The following DCC variants were observed in gnomAD, a reference collection of about 807,000 sequenced individuals.
The protein encoded by DCC is DCC netrin 1 receptor.
A neutral mutation model predicts 172.5 loss-of-function variants in DCC; 58 were observed. The ratio of observed to expected loss-of-function variants is 0.34; its 90% CI spans 0.27 to 0.42. The LOEUF is 0.42. DCC is among the 10% of genes least tolerant of loss of function. The pLI is 1.00. For missense variants in DCC, 1,740 were observed against 1,791.0 expected, an observed-to-expected ratio of 0.97 and a Z score of 0.51; for synonymous variants, 709 against 644.5, an observed-to-expected ratio of 1.10 and a Z score of -1.52.
chr18:53,241,995 T>G (rs1165204490), intron 12 of DCC, among the ~76,000 whole-genome samples: 1 of 152,150 alleles, frequency 6.6e-6, no homozygotes, highest in African/African-American at 2.4e-5. Context: ...GAAAACCCCA[T>G]AGTCTCAGCT....
At chr18:52,661,411 A>G (rs1362089577) in intron 1 of DCC, among the ~76,000 whole-genome samples, 2 of 152,232 alleles carry the variant, frequency 1.3e-5, no homozygotes, top group Non-Finnish European at 2.9e-5. Context: ...GAGTCCAGAA[A>G]CAGTTGAGAG....
At chr18:53,123,517 GTGCAACC>G (rs1038810486) in intron 7 of DCC, among the ~76,000 whole-genome samples, 5 of 152,022 alleles carry the variant, frequency 3.3e-5, no homozygotes, top group African/African-American at 1.2e-4. Flanking sequence ...AAAATTCTAT[GTGCAACC>G]AGCCTTATTA....
chr18:53,202,746 G>A (rs1171548304), intron 9 of DCC, among the ~76,000 whole-genome samples: 1 of 152,150 alleles, frequency 6.6e-6, no homozygotes, highest in Non-Finnish European at 1.5e-5. Context: ...CAGAGAGAGA[G>A]CTTGTGCCTC....
chr18:52,612,372 C>A (rs974269078), intron 1 of DCC, among the ~76,000 whole-genome samples: 5 of 152,100 alleles, frequency 3.3e-5, no homozygotes, highest in Non-Finnish European at 1.5e-5. Flanking sequence ...ATATTCTTAT[C>A]ATTTTGTGGT....
intron 8 of DCC, among the ~76,000 whole-genome samples, chr18:53,166,580 A>C (rs1248054735): frequency 6.6e-6 from 1 of 152,204 alleles, no homozygotes; most frequent in African/African-American, 2.4e-5. Flanking sequence ...CTCCCAAGAT[A>C]TAGCTCATTA....
At chr18:53,001,049 A>G (rs1408217778) in intron 5 of DCC, among the ~76,000 whole-genome samples, 1 of 151,926 alleles carries the variant, frequency 6.6e-6, no homozygotes, top group Non-Finnish European at 1.5e-5. Flanking sequence ...GCTTGAAATC[A>G]ATTGTGGGAA....
At chr18:52,574,124 G>T (rs1026132503) in intron 1 of DCC, among the ~76,000 whole-genome samples, 13 of 152,142 alleles carry the variant, frequency 8.5e-5, no homozygotes, top group African/African-American at 2.9e-4. Flanking sequence ...GAATTTCTAT[G>T]ATGTTGTTTA....
At chr18:53,051,159 G>A (rs2144038029) in intron 5 of DCC, among the ~76,000 whole-genome samples, 1 of 152,214 alleles carries the variant, frequency 6.6e-6, no homozygotes, top group Non-Finnish European at 1.5e-5. Context: ...GAGCCTGGGA[G>A]GTCGAGGCTG....
At chr18:53,427,413 A>G (rs920403363) in intron 21 of DCC, among the ~76,000 whole-genome samples, 1 of 152,098 alleles carries the variant, frequency 6.6e-6, no homozygotes, top group African/African-American at 2.4e-5. Flanking sequence ...GTTTTATTCT[A>G]TTAAGAATTC....
chr18:53,206,154 AATAC>A (rs1012521629), intron 10 of DCC, among the ~76,000 whole-genome samples: 1 of 141,964 alleles, frequency 7.0e-6, no homozygotes, highest in African/African-American at 2.5e-5. Context: ...TATATTATAT[AATAC>A]ATATATACAT....
intron 5 of DCC, among the ~76,000 whole-genome samples, chr18:53,013,463 A>G (rs1263529247): frequency 6.6e-6 from 1 of 152,114 alleles, no homozygotes; most frequent in Non-Finnish European, 1.5e-5. Context: ...CAAATGCCAC[A>G]TGTTCTCACT....
At chr18:52,927,049 A>G (rs1231813699) in intron 5 of DCC, among the ~76,000 whole-genome samples, 1 of 137,698 alleles carries the variant, frequency 7.3e-6, no homozygotes, top group African/African-American at 2.6e-5. Flanking sequence ...GCCAATACAT[A>G]TATATACACA....
intron 5 of DCC, among the ~76,000 whole-genome samples, chr18:52,944,310 T>C (rs566295090): frequency 6.6e-6 from 1 of 152,268 alleles, no homozygotes; most frequent in East Asian, 1.9e-4. Flanking sequence ...GTCTATACTT[T>C]GTAGGAAATG....
Position 53,410,561 on chromosome 18 carries a change from T to A in DCC, c.3045T>A (p.Asp1015Glu), listed in dbSNP as rs1177588079. The A allele has an allele frequency of 2.5e-6, 4 of 1,609,560 alleles. No individual in the cohort carries two copies. Among genetic ancestry groups the A allele is most frequent in the African/African-American group, 1.3e-5 (1 of 74,868 alleles). ...LTHQIMDLNL[D>E]TMYYFRIQAR... ...ATCAAATCATGGATCTCAACCTTGA[T>A]ACTATGTATTACTTTCGAATTCAAG... is the stretch of plus-strand genomic sequence containing the variant. The change falls in exon 20 of 29, where the codon GAT becomes GAA. Residue 1015 changes from aspartate (D) to glutamate (E), a missense_variant. By Grantham distance (45) the Asp-to-Glu change is conservative. Coordinates refer to ENST00000442544, the MANE Select transcript of DCC (RefSeq NM_005215.4).
intron 1 of DCC, among the ~76,000 whole-genome samples, chr18:52,680,420 C>T (rs1411900653): frequency 6.6e-6 from 1 of 152,108 alleles, no homozygotes; most frequent in Non-Finnish European, 1.5e-5. Flanking sequence ...CACTGTTCTG[C>T]AGGGAAGCCC....
chr18:52,872,330 A>G (rs745355516), intron 2 of DCC, among the ~76,000 whole-genome samples: 4 of 152,142 alleles, frequency 2.6e-5, no homozygotes, highest in Non-Finnish European at 4.4e-5. Flanking sequence ...AGAATCGACA[A>G]TGGTGAATGT....
chr18:52,449,147 A>G (rs1424172889), intron 1 of DCC, among the ~76,000 whole-genome samples: 1 of 152,192 alleles, frequency 6.6e-6, no homozygotes, highest in African/African-American at 2.4e-5. Flanking sequence ...TCCCCATTAT[A>G]AAACCATCAG....
rs527383250 is a variant in DCC at position 53,130,452 on chromosome 18, G to A, written c.1262-26904G>A. Reference sequence around the variant, plus strand: ...GATTTTATTTTTCTTTTTGTTTGCCGTCTCAAAACTCTGTCTTCCTTTTCT... The same window carrying A: ...GATTTTATTTTTCTTTTTGTTTGCCATCTCAAAACTCTGTCTTCCTTTTCT... On this transcript the variant is annotated intron_variant, in intron 7 of 28. Coordinates refer to ENST00000442544, the MANE Select transcript of DCC (RefSeq NM_005215.4). Among the ~76,000 whole-genome samples the A allele has an allele frequency of 2.2e-4, 34 of 152,142 alleles. 2 individuals are homozygous for A. The highest frequency in any genetic ancestry group is 4.1e-4 in the South Asian group (2 of 4,820).
At chr18:53,327,556 A>G (rs540730528) in intron 14 of DCC, among the ~76,000 whole-genome samples, 4 of 152,318 alleles carry the variant, frequency 2.6e-5, no homozygotes, top group Non-Finnish European at 4.4e-5. Context: ...TTTAGCTATC[A>G]AAAGTCGGCA....
Sources: allele counts gnomAD v4.1 joint callset (sites outside exome capture counted in the v4.1 genomes callset), GRCh38; gene constraint gnomAD v4.1.1; transcripts MANE v1.5; gene names NCBI Gene and HGNC (gene_info 2026-07-23, HGNC 2026-07-21).